The following ATRN variants were observed in gnomAD, a reference collection of about 807,000 sequenced individuals.
ATRN encodes the protein attractin.
A neutral mutation model predicts 178.7 loss-of-function variants in ATRN; 54 were observed. That is an observed-to-expected ratio of 0.30 (90% CI 0.24 to 0.38). The LOEUF is 0.38. Ranked by LOEUF, ATRN falls within the 10% of genes least tolerant of loss-of-function variation. ATRN has a pLI of 1.00. For missense variants in ATRN, 1,443 were observed against 1,815.1 expected (o/e 0.79, Z 3.73); for synonymous variants, 636 against 663.0 (o/e 0.96, Z 0.63).
Position 3,646,657 on chromosome 20 carries a change from T to C in ATRN, c.4166-66T>C, listed in dbSNP as rs1313923589. On this transcript the variant is annotated intron_variant, in intron 28 of 28. Coordinates refer to ENST00000262919, the MANE Select transcript of ATRN (RefSeq NM_139321.3). ...TGGGATTGAAAAATAAATGTTTAAA[T>C]TATTTTTTAAAACAAAATAAAAGCC... 2.0e-6 allele frequency: 3 copies of C among 1,481,360 alleles called. No homozygotes were observed. The African/African-American group carries it at 4.3e-5, about 21-fold the overall frequency. The allele number at this position is 1,481,360 out of a possible 1,614,324, so 91.8% of individuals were successfully genotyped here. A position where few individuals can be genotyped will look rare whatever the true frequency, so the allele number is the denominator to read the frequency against.
intron 24 of ATRN, among the ~76,000 whole-genome samples, chr20:3,605,325 A>G (rs2086663005): frequency 6.6e-6 from 1 of 152,242 alleles, no homozygotes; most frequent in African/African-American, 2.4e-5. Context: ...AATTAGTTCA[A>G]CCATTGTGGA....
chr20:3,529,775 G>A (rs2146169169), intron 1 of ATRN, among the ~76,000 whole-genome samples: 1 of 152,258 alleles, frequency 6.6e-6, no homozygotes, highest in South Asian at 2.1e-4. Flanking sequence ...ATCAGTGGCT[G>A]CATTTTATTA....
chr20:3,530,849 AT>A (rs2085444163), intron 1 of ATRN, among the ~76,000 whole-genome samples: 1 of 152,170 alleles, frequency 6.6e-6, no homozygotes. Context: ...GTAGAAAGAA[AT>A]AACTATGAGA....
intron 17 of ATRN, among the ~76,000 whole-genome samples, chr20:3,584,416 C>T (rs1172366235): frequency 6.6e-6 from 1 of 152,184 alleles, no homozygotes; most frequent in East Asian, 1.9e-4. Context: ...TAGATAATCT[C>T]TAAGGTCCCT....
intron 18 of ATRN, 103 bp from the exon 19 acceptor site, chr20:3,591,066 A>T (rs1600137496): frequency 8.1e-7 from 1 of 1,235,202 alleles, no homozygotes; most frequent in East Asian, 2.7e-5. Flanking sequence ...GTGATTTATC[A>T]AAGATAAATT....
Position 3,584,846 on chromosome 20 carries a change from C to A in ATRN, c.3150C>A (p.Asp1050Glu). 2.5e-6 allele frequency: 4 copies of A among 1,614,184 alleles called. No homozygotes were observed. The highest frequency in any genetic ancestry group is 3.4e-6 in the Non-Finnish European group (4 of 1,180,032). The stretch of plus-strand genomic sequence containing the variant: ...TCAATTCCAGCATGTGTCTAGAGGA[C>A]AGCAGATACAACTGGTCTTTCATTC... Reference protein sequence around the residue: ...PLLNSSMCLEDSRYNWSFIHC... With the variant: ...PLLNSSMCLEESRYNWSFIHC... Residue 1050 changes from aspartate to glutamate, a missense_variant, in exon 18 of 29, where the codon GAC becomes GAA. Physicochemically the swap from Asp to Glu is conservative, Grantham distance 45. Coordinates refer to ENST00000262919, the MANE Select transcript of ATRN (RefSeq NM_139321.3).
At chr20:3,512,722 C>T (rs950919550) in intron 1 of ATRN, among the ~76,000 whole-genome samples, 2 of 152,208 alleles carry the variant, frequency 1.3e-5, no homozygotes, top group African/African-American at 4.8e-5. Flanking sequence ...ACAGTCCCAC[C>T]AACAGTATAA....
chr20:3,493,122 T>TTGTG (rs10601580), intron 1 of ATRN, among the ~76,000 whole-genome samples: 82 of 141,248 alleles, frequency 5.8e-4, no homozygotes, highest in African/African-American at 1.9e-3. Flanking sequence ...GTACGTTTGT[T>TTGTG]TGTGTGTGTG....
chr20:3,646,110 A>G (rs1174412936), intron 28 of ATRN, among the ~76,000 whole-genome samples: 1 of 152,184 alleles, frequency 6.6e-6, no homozygotes, highest in Non-Finnish European at 1.5e-5. Context: ...CTAGCCCTGT[A>G]CTACTATTAT....
intron 1 of ATRN, among the ~76,000 whole-genome samples, chr20:3,514,557 T>C (rs1209028913): frequency 1.3e-5 from 2 of 152,240 alleles, no homozygotes; most frequent in East Asian, 3.8e-4. Flanking sequence ...TGAAAATCAG[T>C]ATCATTCGCA....
intron 24 of ATRN, among the ~76,000 whole-genome samples, chr20:3,622,461 T>C (rs2086903794): frequency 6.6e-6 from 1 of 152,220 alleles, no homozygotes. Flanking sequence ...GACAGCCCAA[T>C]GTATGTTTGT....
intron 24 of ATRN, 120 bp downstream of exon 24, chr20:3,604,382 C>A: frequency 8.5e-7 from 1 of 1,175,138 alleles, no homozygotes; most frequent in Non-Finnish European, 1.2e-6. Flanking sequence ...GCCTTTGTAA[C>A]GTGTATGGCA....
chr20:3,567,379 A>G (rs897636187), intron 11 of ATRN, among the ~76,000 whole-genome samples: 7 of 152,214 alleles, frequency 4.6e-5, no homozygotes, highest in African/African-American at 1.7e-4. Flanking sequence ...ATTTTTTATA[A>G]AACATTCTTA....
intron 19 of ATRN, among the ~76,000 whole-genome samples, chr20:3,593,873 A>T (rs953921947): frequency 6.6e-6 from 1 of 152,172 alleles, no homozygotes; most frequent in African/African-American, 2.4e-5. Flanking sequence ...AAAAGGAGAG[A>T]TGTTGAGTTG....
At chr20:3,475,246 C>T (rs773970914) in intron 1 of ATRN, among the ~76,000 whole-genome samples, 5 of 151,902 alleles carry the variant, frequency 3.3e-5, no homozygotes, top group Non-Finnish European at 7.4e-5. Flanking sequence ...TTATAATTGC[C>T]GTTATAGGGT....
chr20:3,561,828 A>G (rs1446363321), intron 8 of ATRN, among the ~76,000 whole-genome samples: 1 of 152,168 alleles, frequency 6.6e-6, no homozygotes, highest in African/African-American at 2.4e-5. Context: ...CCTGTCCTCA[A>G]GTGATCCTCC....
Position 3,547,445 on chromosome 20 carries a change from A to G in ATRN, c.899A>G (p.Asn300Ser), listed in dbSNP as rs138628890. ...GGTTTTCCTCATCGAGGCATCTGCAATTCAAGTGATGTCAGAGGATGCTCC... is the reference window on the plus strand; with the variant it reads ...GGTTTTCCTCATCGAGGCATCTGCAGTTCAAGTGATGTCAGAGGATGCTCC... ...NCGFPHRGICNSSDVRGCSCF... is the reference protein window; with the variant it reads ...NCGFPHRGICSSSDVRGCSCF... Residue 300 changes from asparagine (N) to serine (S), a missense_variant, in exon 5 of 29, where the codon AAT becomes AGT. Coordinates refer to ENST00000262919, the MANE Select transcript of ATRN (RefSeq NM_139321.3). 4 of 1,614,158 alleles carry G rather than the reference A, an allele frequency of 2.5e-6. No homozygotes were observed. In the African/African-American group the frequency reaches 5.3e-5, roughly 22 times the overall value.
chr20:3,513,681 T>A (rs2146133226), intron 1 of ATRN, among the ~76,000 whole-genome samples: 1 of 152,208 alleles, frequency 6.6e-6, no homozygotes, highest in Non-Finnish European at 1.5e-5. Context: ...TGGTATTGAA[T>A]CTATAAATTA....
intron 24 of ATRN, among the ~76,000 whole-genome samples, chr20:3,607,301 A>C (rs557529265): frequency 1.4e-4 from 21 of 152,220 alleles, no homozygotes; most frequent in Non-Finnish European, 2.8e-4. Context: ...ATTGCTAACT[A>C]TAGTCATAAT....
Sources: allele counts gnomAD v4.1 joint callset (sites outside exome capture counted in the v4.1 genomes callset), GRCh38; gene constraint gnomAD v4.1.1; transcripts MANE v1.5; gene names NCBI Gene and HGNC (gene_info 2026-07-23, HGNC 2026-07-21).